The following KCNQ3 variants were observed in gnomAD, a reference collection of about 807,000 sequenced individuals.
KCNQ3 encodes the protein potassium voltage-gated channel subfamily Q member 3, also known as potassium voltage-gated channel subfamily KQT member 3.
In KCNQ3, 30 loss-of-function variants were observed where a neutral mutation model predicts 92.5. The observed-to-expected ratio is 0.32, with a 90% confidence interval of 0.24 to 0.44. The LOEUF (loss-of-function observed/expected upper bound fraction) is 0.44, where lower values mean the gene tolerates loss of function less well. Among genes scored for constraint, KCNQ3 ranks in the 20% least tolerant of loss-of-function variants. KCNQ3 has a pLI of 1.00. For synonymous variants in KCNQ3, 450 were observed against 468.8 expected, an observed-to-expected ratio of 0.96 and a Z score of 0.52; for missense variants, 913 against 1,140.3, an observed-to-expected ratio of 0.80 and a Z score of 2.87.
rs781058299 is a variant in KCNQ3, at chr8:132,303,565, G to GATATATATATATATATATATATATAT, written c.387-117385_387-117384insATATATATATATATATATATATATAT. Among the ~76,000 whole-genome samples the GATATATATATATATATATATATATAT allele has an allele frequency of 4.1e-3, 176 of 42,536 alleles. 41 individuals carry two copies. The highest frequency in any genetic ancestry group is 8.5e-3 in the African/African-American group (90 of 10,632). 27.9% of individuals were successfully genotyped at this position (42,536 alleles called of 152,430 possible). On this transcript the variant is annotated intron_variant, in intron 1 of 14. Coordinates refer to ENST00000388996, the MANE Select transcript of KCNQ3 (RefSeq NM_004519.4). ...ACTTGTGATCAGATAAAGAAAATGT[G>GATATATATATATATATATATATATAT]ATATATATATATATGGTGTGTGTGT...
At chr8:132,373,531 C>T (rs73345951) in intron 1 of KCNQ3, among the ~76,000 whole-genome samples, 10,516 of 152,142 alleles carry the variant, frequency 0.069, 417 homozygotes, top group South Asian at 0.15. Flanking sequence ...TAACTACTTG[C>T]ATATACTATC....
intron 1 of KCNQ3, among the ~76,000 whole-genome samples, chr8:132,392,951 G>A (rs942189043): frequency 6.6e-6 from 1 of 150,572 alleles, no homozygotes; most frequent in African/African-American, 2.5e-5. Flanking sequence ...TTATTGTCTG[G>A]GTCTTGCACA....
At chr8:132,304,815 A>T (rs1817365555) in intron 1 of KCNQ3, among the ~76,000 whole-genome samples, 1 of 152,116 alleles carries the variant, frequency 6.6e-6, no homozygotes, top group Non-Finnish European at 1.5e-5. Flanking sequence ...CCTATTATTA[A>T]TTATAATAAT....
intron 1 of KCNQ3, among the ~76,000 whole-genome samples, chr8:132,253,517 G>A (rs143187176): frequency 2.6e-5 from 4 of 152,272 alleles, no homozygotes; most frequent in East Asian, 1.9e-4. Flanking sequence ...ATGTGAGCTC[G>A]AGGATTTGCA....
chr8:132,232,327 T>C (rs1195151029), intron 1 of KCNQ3, among the ~76,000 whole-genome samples: 1 of 152,186 alleles, frequency 6.6e-6, no homozygotes, highest in South Asian at 2.1e-4. Flanking sequence ...AAGCTCCCAA[T>C]GGTGCTGATG....
In KCNQ3 at chr8:132,480,411, C is replaced by A. The variant is rs867469884; in HGVS notation, c.122G>T (p.Arg41Leu). 1 of 1,498,558 alleles carries A rather than the reference C, an allele frequency of 6.7e-7. No homozygotes were observed. Among genetic ancestry groups the A allele is most frequent in the African/African-American group, 1.4e-5 (1 of 69,652 alleles). The allele number at this position is 1,498,558 out of a possible 1,614,324, so 92.8% of individuals were successfully genotyped here. A position where few individuals can be genotyped will look rare whatever the true frequency, so the allele number is the denominator to read the frequency against. ...GTCGCCGGGCGCCAGCCCCACTTTCCGCTCCTCGTCGCCGGCCGCCGCCGC... is the reference window on the plus strand; with the variant it reads ...GTCGCCGGGCGCCAGCCCCACTTTCAGCTCCTCGTCGCCGGCCGCCGCCGC... ...GDAAAAGDEE[R>L]KVGLAPGDVE... The change falls in exon 1 of 15, where the codon CGG becomes CTG. Residue 41 changes from arginine to leucine, a missense_variant. Physicochemically the swap from Arg to Leu is moderately radical, Grantham distance 102. Transcript: ENST00000388996.
chr8:132,395,224 G>A (rs1386405549), intron 1 of KCNQ3, among the ~76,000 whole-genome samples: 2 of 152,184 alleles, frequency 1.3e-5, no homozygotes, highest in African/African-American at 2.4e-5. Flanking sequence ...TCAGGGTAAT[G>A]AGCATATCCA....
At chr8:132,400,626 C>T (rs1450735623) in intron 1 of KCNQ3, among the ~76,000 whole-genome samples, 2 of 152,232 alleles carry the variant, frequency 1.3e-5, no homozygotes, top group African/African-American at 4.8e-5. Context: ...AGGAAAGCAG[C>T]AGATGTGCTC....
At position 132,329,275 on chromosome 8, in the gene KCNQ3, G is replaced by T. The variant is rs556755552; in HGVS notation, c.387-143094C>A. ...CCTCCTGGGTGAGGCACCCCCAAGT[G>T]CTGTTCAGCCCCCACTCACCTCCTC... On this transcript the variant is annotated intron_variant, in intron 1 of 14. Coordinates refer to ENST00000388996, the MANE Select transcript of KCNQ3 (RefSeq NM_004519.4). Among the ~76,000 whole-genome samples the T allele has an allele frequency of 5.3e-5, 8 of 152,234 alleles. No homozygotes were observed. The South Asian group carries it at 8.3e-4, about 16-fold the overall frequency.
At chr8:132,149,877 C>G (rs1013475584) in intron 9 of KCNQ3, among the ~76,000 whole-genome samples, 2 of 152,156 alleles carry the variant, frequency 1.3e-5, no homozygotes, top group Non-Finnish European at 2.9e-5. Flanking sequence ...AGAGTTCCCC[C>G]CTCCCCCAGC....
At chr8:132,287,879 A>T (rs942554194) in intron 1 of KCNQ3, among the ~76,000 whole-genome samples, 1 of 152,194 alleles carries the variant, frequency 6.6e-6, no homozygotes, top group Non-Finnish European at 1.5e-5. Context: ...ATGGTTGCAC[A>T]ACATTATGCA....
intron 8 of KCNQ3, among the ~76,000 whole-genome samples, chr8:132,167,789 TA>T (rs1482524745): frequency 2.0e-5 from 3 of 152,252 alleles, no homozygotes; most frequent in Admixed American, 6.5e-5. Flanking sequence ...GCCTTATTTA[TA>T]ATACATCAAC....
intron 1 of KCNQ3, among the ~76,000 whole-genome samples, chr8:132,266,178 C>CAG (rs56222456): frequency 0.54 from 82,618 of 151,998 alleles, 24,257 homozygotes; most frequent in East Asian, 0.82. Context: ...TCATTATTTA[C>CAG]AGTCAAAGCA....
rs189251987 is a variant in KCNQ3 at position 132,193,002 on chromosome 8, G to A, written c.387-6821C>T. Among the ~76,000 whole-genome samples the A allele has an allele frequency of 1.4e-3, 211 of 152,152 alleles. 1 individual carries two copies. The highest frequency in any genetic ancestry group is 1.9e-3 in the Non-Finnish European group (132 of 67,990). On this transcript the variant is annotated intron_variant, in intron 1 of 14. Coordinates refer to ENST00000388996, the MANE Select transcript of KCNQ3 (RefSeq NM_004519.4). ...TCTGCTCTTCTCTTACTGCCCTGGC[G>A]TTCCTGAGTTCTTTTCCTCTCCTTC...
intron 1 of KCNQ3, among the ~76,000 whole-genome samples, chr8:132,302,186 C>T (rs1004202409): frequency 2.0e-5 from 3 of 152,130 alleles, no homozygotes; most frequent in Non-Finnish European, 2.9e-5. Context: ...GAGTAGAGAA[C>T]GTGAAGGAAT....
Position 132,232,085 on chromosome 8 carries a change from T to C in KCNQ3, c.387-45904A>G, listed in dbSNP as rs73708590. On this transcript the variant is annotated intron_variant, in intron 1 of 14. Transcript: ENST00000388996. ...CACCAAGGAAATGGAGACACCTGGA[T>C]TTAAGTCCTAGACAAATGACTCCTC... Among the ~76,000 whole-genome samples, 1,343 of 152,290 alleles carry C rather than the reference T, an allele frequency of 8.8e-3. 17 individuals are homozygous for C. The highest frequency in any genetic ancestry group is 0.031 in the African/African-American group (1,293 of 41,556).
At chr8:132,279,746 ACAT>A (rs1225507384) in intron 1 of KCNQ3, among the ~76,000 whole-genome samples, 2 of 152,246 alleles carry the variant, frequency 1.3e-5, no homozygotes, top group Admixed American at 1.3e-4. Context: ...ACACAAACAC[ACAT>A]CTATGATCAT....
intron 1 of KCNQ3, among the ~76,000 whole-genome samples, chr8:132,375,878 C>T (rs1248477257): frequency 6.6e-6 from 1 of 152,208 alleles, no homozygotes; most frequent in South Asian, 2.1e-4. Flanking sequence ...GCTCACCTTA[C>T]GCTCTCTTCG....
chr8:132,219,040 A>G (rs1314665187), intron 1 of KCNQ3, among the ~76,000 whole-genome samples: 1 of 152,216 alleles, frequency 6.6e-6, no homozygotes, highest in Non-Finnish European at 1.5e-5. Flanking sequence ...GGTGAACACT[A>G]TGACCTCTGT....
Sources: allele counts gnomAD v4.1 joint callset (sites outside exome capture counted in the v4.1 genomes callset), GRCh38; gene constraint gnomAD v4.1.1; transcripts MANE v1.5; gene names NCBI Gene and HGNC (gene_info 2026-07-23, HGNC 2026-07-21).